TRPS1: variants seen among roughly 807,000 people sequenced by gnomAD.
TRPS1 encodes zinc finger transcription factor Trps1.
Under a neutral mutation model 101.2 loss-of-function variants are expected in TRPS1, and 6 were observed. That is an observed-to-expected ratio of 0.06 (90% CI 0.03 to 0.12). The LOEUF (loss-of-function observed/expected upper bound fraction) is 0.12. TRPS1 is among the 10% of genes least tolerant of loss of function. The probability of loss-of-function intolerance (pLI) is 1.00; values close to 1 mark genes in which losing one functional copy is unlikely to be tolerated. For synonymous variants in TRPS1, 578 were observed against 589.8 expected (o/e 0.98, Z 0.29); for missense variants, 1,363 against 1,567.0 (o/e 0.87, Z 2.20).
In TRPS1 at chr8:115,422,655, C is replaced by G. The variant is rs930912237; in HGVS notation, c.2701-4203G>C. On this transcript the variant is annotated intron_variant, in intron 5 of 6. Transcript: ENST00000395715. ...TGCTGGGATTACAGGTGTGAGCCAC[C>G]GCACCCAGCCCCACATGTATTTTTG... is the stretch of plus-strand genomic sequence containing the variant. Among the ~76,000 whole-genome samples, 6 of 152,282 alleles carry G rather than the reference C, an allele frequency of 3.9e-5. No individual in the cohort carries two copies. The East Asian group carries it at 1.2e-3, about 29-fold the overall frequency.
intron 5 of TRPS1, among the ~76,000 whole-genome samples, chr8:115,460,176 TAATA>T (rs1026077414): frequency 1.3e-5 from 2 of 152,142 alleles, no homozygotes; most frequent in African/African-American, 4.8e-5. Flanking sequence ...TTCAGTATAT[TAATA>T]AATGAGTTTC....
chr8:115,416,657 G>A (rs1241017480), intron 6 of TRPS1, among the ~76,000 whole-genome samples: 1 of 151,206 alleles, frequency 6.6e-6, no homozygotes, highest in East Asian at 1.9e-4. Flanking sequence ...TGAATGAAAG[G>A]GAGTACCTCT....
intron 1 of TRPS1, among the ~76,000 whole-genome samples, chr8:115,665,837 A>G (rs937018212): frequency 6.6e-6 from 1 of 152,202 alleles, no homozygotes. Context: ...ACTTTGTGTT[A>G]GTAACTTGCT....
intron 5 of TRPS1, among the ~76,000 whole-genome samples, chr8:115,550,984 T>C (rs953876919): frequency 6.6e-6 from 1 of 152,160 alleles, no homozygotes; most frequent in African/African-American, 2.4e-5. Context: ...AATCTCACAG[T>C]GACTCCTGAA....
intron 5 of TRPS1, among the ~76,000 whole-genome samples, chr8:115,434,233 T>C (rs1196209802): frequency 3.9e-5 from 6 of 152,176 alleles, no homozygotes; most frequent in African/African-American, 1.4e-4. Flanking sequence ...ATTGGTAGTC[T>C]GAGATATAAT....
intron 5 of TRPS1, among the ~76,000 whole-genome samples, chr8:115,545,930 T>C (rs1471629271): frequency 6.6e-6 from 1 of 152,092 alleles, no homozygotes; most frequent in African/African-American, 2.4e-5. Context: ...ATCTAAGATA[T>C]CACAGAGTAC....
At chr8:115,560,299 C>G (rs542887405) in intron 5 of TRPS1, among the ~76,000 whole-genome samples, 1 of 151,978 alleles carries the variant, frequency 6.6e-6, no homozygotes, top group Non-Finnish European at 1.5e-5. Context: ...AAGGAATCCA[C>G]GAAGAAAAAT....
chr8:115,513,598 G>A (rs1340020350), intron 5 of TRPS1, among the ~76,000 whole-genome samples: 1 of 151,614 alleles, frequency 6.6e-6, no homozygotes, highest in Non-Finnish European at 1.5e-5. Flanking sequence ...TTGAAAACCA[G>A]TAATACCCAT....
At chr8:115,618,992 A>C in intron 3 of TRPS1, 140 bp downstream of exon 3, 1 of 818,210 alleles carries the variant, frequency 1.2e-6, no homozygotes, top group Non-Finnish European at 2.0e-6. Flanking sequence ...TGAAGTAGCT[A>C]TGGAGTGTGT....
At chr8:115,568,052 C>G (rs1233724394) in intron 5 of TRPS1, among the ~76,000 whole-genome samples, 1 of 152,070 alleles carries the variant, frequency 6.6e-6, no homozygotes, top group Admixed American at 6.6e-5. Context: ...TGCCCAGCAT[C>G]ATAATGTTAT....
chr8:115,423,033 G>A (rs1196396490), intron 5 of TRPS1, among the ~76,000 whole-genome samples: 1 of 152,142 alleles, frequency 6.6e-6, no homozygotes, highest in Non-Finnish European at 1.5e-5. Context: ...ATGTAAAGCC[G>A]CAAAGAGTAG....
At chr8:115,430,808 T>C (rs116452337) in intron 5 of TRPS1, among the ~76,000 whole-genome samples, 1 of 152,092 alleles carries the variant, frequency 6.6e-6, no homozygotes, top group Non-Finnish European at 1.5e-5. Context: ...TTGTCTTTAT[T>C]TTCATTAAAG....
intron 1 of TRPS1, among the ~76,000 whole-genome samples, chr8:115,661,240 T>C (rs1043449783): frequency 3.3e-5 from 5 of 152,070 alleles, no homozygotes; most frequent in Admixed American, 2.0e-4. Flanking sequence ...TGATTCATTA[T>C]GTTTAAACTC....
At chr8:115,429,624 G>T (rs561014785) in intron 5 of TRPS1, among the ~76,000 whole-genome samples, 1 of 152,136 alleles carries the variant, frequency 6.6e-6, no homozygotes, top group East Asian at 1.9e-4. Flanking sequence ...TTTGTACATC[G>T]AGCAGAATAT....
chr8:115,527,908 T>C (rs184722226), intron 5 of TRPS1, among the ~76,000 whole-genome samples: 3 of 152,218 alleles, frequency 2.0e-5, no homozygotes, highest in African/African-American at 7.2e-5. Context: ...AATTAGAACC[T>C]TTCTAACACA....
Position 115,604,871 on chromosome 8 carries a change from ATGT to A in TRPS1, c.1095_1097del (p.Gln365del). 2 of 1,614,044 alleles carry A rather than the reference ATGT, an allele frequency of 1.2e-6. No homozygotes were observed. The highest frequency in any genetic ancestry group is 2.2e-5 in the East Asian group (1 of 44,882). ...TTTTGTTTGGGTGAGTCTGAAGAAA[ATGT>A]TGTTCTAATTCGGTGGATGAGTTGC... is the stretch of plus-strand genomic sequence containing the variant. On this transcript the variant is annotated inframe_deletion, in exon 4 of 7. Coordinates refer to ENST00000395715, the MANE Select transcript of TRPS1 (RefSeq NM_014112.5). This position sits in a 1 kb window ranked among gnomAD's most constrained non-coding sequence, Gnocchi z 4.1.
chr8:115,557,140 G>A (rs894655926), intron 5 of TRPS1, among the ~76,000 whole-genome samples: 12 of 152,154 alleles, frequency 7.9e-5, no homozygotes, highest in Admixed American at 4.6e-4. Context: ...CTGATCTCGT[G>A]AGACTTACTC....
At chr8:115,660,024 T>C (rs1811757912) in intron 1 of TRPS1, among the ~76,000 whole-genome samples, 1 of 152,028 alleles carries the variant, frequency 6.6e-6, no homozygotes, top group South Asian at 2.1e-4. Flanking sequence ...CAAATTCATA[T>C]ATTCCACTTC....
intron 3 of TRPS1, among the ~76,000 whole-genome samples, chr8:115,617,178 A>G (rs1411099698): frequency 1.3e-5 from 2 of 152,182 alleles, no homozygotes; most frequent in Non-Finnish European, 2.9e-5. Flanking sequence ...TCTATTTTTA[A>G]CAGTATTATT....
Sources: gnomAD v4.1 joint callset for allele counts (sites outside exome capture counted in the v4.1 genomes callset) on GRCh38, gnomAD v4.1.1 for gene constraint, Gnocchi (gnomAD v3.1) non-coding constraint, MANE v1.5 for transcripts, NCBI Gene and HGNC (gene_info 2026-07-23, HGNC 2026-07-21) for gene names.